Variants in ANO3 observed in about 807,000 individuals in gnomAD.
ANO3 encodes anoctamin 3.
ANO3 carries 99 observed loss-of-function variants against 144.8 expected under a neutral mutation model. That is an observed-to-expected ratio of 0.68 (90% CI 0.58 to 0.81). ANO3 has a LOEUF of 0.81. Among genes scored for constraint, ANO3 ranks in the 30% least tolerant of loss-of-function variants. The pLI, the probability that ANO3 is intolerant of heterozygous loss-of-function variation, is 0.00. For synonymous variants in ANO3, 414 were observed against 392.6 expected, an observed-to-expected ratio of 1.05 and a Z score of -0.64; for missense variants, 905 against 1,202.2, an observed-to-expected ratio of 0.75 and a Z score of 3.66.
chr11:26,316,998 G>T (rs576363109), intron 1 of ANO3, among the ~76,000 whole-genome samples: 2 of 152,186 alleles, frequency 1.3e-5, no homozygotes, highest in South Asian at 2.1e-4. Flanking sequence ...CACCTAGTTG[G>T]CCAGAGACAA....
intron 3 of ANO3, among the ~76,000 whole-genome samples, chr11:26,456,067 A>C (rs952187443): frequency 6.6e-6 from 1 of 151,790 alleles, no homozygotes; most frequent in Non-Finnish European, 1.5e-5. Context: ...TTATACAAAA[A>C]TCAATTCAAG....
chr11:26,643,401 C>A, intron 23 of ANO3, 67 bp downstream of exon 23: 1 of 1,555,196 alleles, frequency 6.4e-7, no homozygotes. Context: ...TTTGAGTGTG[C>A]CCCCAGATTC....
intron 1 of ANO3, among the ~76,000 whole-genome samples, chr11:26,394,252 G>T (rs561711217): frequency 6.6e-5 from 10 of 152,076 alleles, no homozygotes; most frequent in Admixed American, 6.6e-5. Flanking sequence ...CACAGGAGAT[G>T]ATTTGAAAAA....
chr11:26,407,343 A>G (rs1021691578), intron 1 of ANO3, among the ~76,000 whole-genome samples: 3 of 151,316 alleles, frequency 2.0e-5, no homozygotes, highest in African/African-American at 4.8e-5. Flanking sequence ...GTTTCCTTCT[A>G]CTACTCCTGC....
At chr11:26,560,292 AC>A (rs932496699) in intron 14 of ANO3, 5 of 152,074 alleles carry the variant, frequency 3.3e-5, no homozygotes, top group African/African-American at 1.2e-4. Context: ...TCTTTGGTTA[AC>A]TTTTTTTTTT....
At chr11:26,247,642 T>G (rs1387837225) in intron 1 of ANO3, among the ~76,000 whole-genome samples, 1 of 152,132 alleles carries the variant, frequency 6.6e-6, no homozygotes, top group African/African-American at 2.4e-5. Context: ...ACTGTCTCTG[T>G]CTGTGTCATG....
chr11:26,400,210 G>C (rs1406470892), intron 1 of ANO3, among the ~76,000 whole-genome samples: 1 of 152,054 alleles, frequency 6.6e-6, no homozygotes, highest in Non-Finnish European at 1.5e-5. Flanking sequence ...GTCATCAGGA[G>C]AAAGGTTTCT....
At chr11:26,355,912 T>C (rs765609008) in intron 1 of ANO3, among the ~76,000 whole-genome samples, 4 of 152,234 alleles carry the variant, frequency 2.6e-5, no homozygotes, top group Admixed American at 6.5e-5. Context: ...TAGTTGTTCA[T>C]TATGTTGACC....
chr11:26,491,382 T>C (rs1373414940), intron 4 of ANO3, among the ~76,000 whole-genome samples: 1 of 152,176 alleles, frequency 6.6e-6, no homozygotes, highest in South Asian at 2.1e-4. Context: ...AAGCAACAAC[T>C]TCGATTGACA....
intron 1 of ANO3, among the ~76,000 whole-genome samples, chr11:26,262,035 C>A (rs189553346): frequency 6.6e-6 from 1 of 152,158 alleles, no homozygotes; most frequent in Admixed American, 6.5e-5. Flanking sequence ...TCTGTGATAG[C>A]AGGTGCTACT....
intron 4 of ANO3, among the ~76,000 whole-genome samples, chr11:26,474,311 A>T (rs1202161077): frequency 6.6e-6 from 1 of 151,962 alleles, no homozygotes; most frequent in African/African-American, 2.4e-5. Context: ...TGTTATTTTT[A>T]AAATATCTGT....
rs554633001 is a variant in ANO3 at position 26,537,532 on chromosome 11, A to G, written c.1032+71A>G. The stretch of plus-strand genomic sequence containing the variant: ...CTCAATGCTTGGTCCTGTTGTTTGC[A>G]TTTGAATCTAGCTGTCCACTCCCAG... On this transcript the variant is annotated intron_variant, in intron 10 of 26. Coordinates refer to ENST00000256737, the MANE Select transcript of ANO3 (RefSeq NM_031418.4). The G allele has an allele frequency of 4.7e-5, 60 of 1,284,858 alleles. No homozygotes were observed. The African/African-American group carries it at 8.2e-4, about 18-fold the overall frequency. 79.6% of individuals were successfully genotyped at this position (1,284,858 alleles called of 1,614,324 possible).
chr11:26,259,674 A>G (rs1853141524), intron 1 of ANO3, among the ~76,000 whole-genome samples: 1 of 152,086 alleles, frequency 6.6e-6, no homozygotes, highest in Non-Finnish European at 1.5e-5. Context: ...TAAAAAAAAA[A>G]AGTTATAAAA....
At chr11:26,323,561 A>T (rs1210465337) in intron 1 of ANO3, among the ~76,000 whole-genome samples, 1 of 152,098 alleles carries the variant, frequency 6.6e-6, no homozygotes, top group Non-Finnish European at 1.5e-5. Flanking sequence ...TTAAGAATTT[A>T]TATTAGCCAT....
chr11:26,294,911 T>A (rs1854051537), intron 1 of ANO3, among the ~76,000 whole-genome samples: 1 of 152,106 alleles, frequency 6.6e-6, no homozygotes, highest in African/African-American at 2.4e-5. Context: ...TTTATTTATT[T>A]ATTTTTGAGA....
At chr11:26,477,046 A>G (rs985149091) in intron 4 of ANO3, among the ~76,000 whole-genome samples, 18 of 152,038 alleles carry the variant, frequency 1.2e-4, no homozygotes, top group African/African-American at 4.3e-4. Flanking sequence ...CCAAATTCAT[A>G]TATTTTATTG....
upstream of ANO3, among the ~76,000 whole-genome samples, chr11:26,327,351 G>T (rs1488838892): frequency 6.6e-6 from 1 of 152,166 alleles, no homozygotes; most frequent in Non-Finnish European, 1.5e-5. Flanking sequence ...ATGCCATTAA[G>T]TGATGTTATT....
At chr11:26,589,099 A>C (rs2132884999) in intron 14 of ANO3, among the ~76,000 whole-genome samples, 1 of 152,350 alleles carries the variant, frequency 6.6e-6, no homozygotes, top group Admixed American at 6.5e-5. Flanking sequence ...AGCCTGAGGA[A>C]TGTACCAGCC....
At chr11:26,500,095 G>A (rs371031249) in intron 4 of ANO3, among the ~76,000 whole-genome samples, 17 of 151,708 alleles carry the variant, frequency 1.1e-4, no homozygotes, top group Admixed American at 7.2e-4. Flanking sequence ...CTTTCATTTA[G>A]TAACATTTTC....
Sources: gnomAD v4.1 joint callset for allele counts (sites outside exome capture counted in the v4.1 genomes callset) on GRCh38, gnomAD v4.1.1 for gene constraint, MANE v1.5 for transcripts, NCBI Gene and HGNC (gene_info 2026-07-23, HGNC 2026-07-21) for gene names.